DGKG: variants seen among roughly 807,000 people sequenced by gnomAD.
DGKG encodes the protein DAG kinase gamma.
A neutral mutation model predicts 105.3 loss-of-function variants in DGKG; 78 were observed. That is an observed-to-expected ratio of 0.74 (90% CI 0.62 to 0.89). The LOEUF (loss-of-function observed/expected upper bound fraction) is 0.89. DGKG is among the 40% of genes least tolerant of loss of function. DGKG has a pLI of 0.00. For synonymous variants in DGKG, 346 were observed against 367.1 expected, an observed-to-expected ratio of 0.94 and a Z score of 0.66; for missense variants, 958 against 1,020.1, an observed-to-expected ratio of 0.94 and a Z score of 0.83.
intron 7 of DGKG, among the ~76,000 whole-genome samples, chr3:186,281,577 C>T (rs575131044): frequency 6.6e-6 from 1 of 152,086 alleles, no homozygotes; most frequent in African/African-American, 2.4e-5. Flanking sequence ...GATAGAATGC[C>T]GGGTCCAAAT....
intron 1 of DGKG, among the ~76,000 whole-genome samples, chr3:186,339,483 T>C (rs566170468): frequency 1.3e-5 from 2 of 152,318 alleles, no homozygotes; most frequent in African/African-American, 4.8e-5. Context: ...GACTCCTAAA[T>C]TGGATGTAAC....
chr3:186,268,400 G>A (rs1722157027), intron 12 of DGKG, among the ~76,000 whole-genome samples: 1 of 152,184 alleles, frequency 6.6e-6, no homozygotes, highest in African/African-American at 2.4e-5. Flanking sequence ...GCTGCTCTGA[G>A]GAATGTGCCT....
chr3:186,266,204 T>C (rs776040637), intron 13 of DGKG, among the ~76,000 whole-genome samples: 1 of 152,234 alleles, frequency 6.6e-6, no homozygotes, highest in Non-Finnish European at 1.5e-5. Flanking sequence ...TGCCTGGCTT[T>C]TGAATTTCAT....
chr3:186,151,820 T>C (rs1715775168), intron 24 of DGKG, among the ~76,000 whole-genome samples: 1 of 152,212 alleles, frequency 6.6e-6, no homozygotes. Context: ...CTCCAGGAAC[T>C]GTAATCCCAG....
At chr3:186,297,349 G>A in intron 5 of DGKG, 72 bp downstream of exon 5, 2 of 1,192,852 alleles carry the variant, frequency 1.7e-6, no homozygotes, top group Non-Finnish European at 2.5e-6. Flanking sequence ...CTGTTGGTTA[G>A]GTTTCCCCAC....
At chr3:186,193,597 G>A (rs970237936) in intron 21 of DGKG, among the ~76,000 whole-genome samples, 3 of 152,236 alleles carry the variant, frequency 2.0e-5, no homozygotes, top group Admixed American at 2.0e-4. Context: ...CTGGCCTCGC[G>A]ATCGTGCACT....
intron 20 of DGKG, among the ~76,000 whole-genome samples, chr3:186,228,376 C>A (rs909732320): frequency 6.6e-6 from 1 of 152,140 alleles, no homozygotes; most frequent in African/African-American, 2.4e-5. Context: ...AACACTTCAG[C>A]AAGGTTCAGT....
intron 22 of DGKG, among the ~76,000 whole-genome samples, chr3:186,176,338 A>G (rs1469020866): frequency 6.6e-6 from 1 of 152,240 alleles, no homozygotes; most frequent in African/African-American, 2.4e-5. Flanking sequence ...TACAAGGTAC[A>G]TTCCAGAGAT....
chr3:186,233,032 G>A (rs1720228693), intron 20 of DGKG, among the ~76,000 whole-genome samples: 1 of 152,184 alleles, frequency 6.6e-6, no homozygotes, highest in African/African-American at 2.4e-5. Flanking sequence ...GAGGCTAGTA[G>A]GTGGAACAAT....
chr3:186,205,452 G>A (rs1019935697), intron 21 of DGKG, among the ~76,000 whole-genome samples: 3 of 152,072 alleles, frequency 2.0e-5, no homozygotes, highest in African/African-American at 7.2e-5. Context: ...GCTCACGCCT[G>A]TAATCTCAGC....
chr3:186,352,752 C>T (rs925303239), intron 1 of DGKG, among the ~76,000 whole-genome samples: 23 of 152,150 alleles, frequency 1.5e-4, no homozygotes, highest in African/African-American at 5.6e-4. Context: ...GTTTAGCCCT[C>T]ATCTCCCTGG....
At chr3:186,344,270 A>G (rs1410121197) in intron 1 of DGKG, among the ~76,000 whole-genome samples, 4 of 152,232 alleles carry the variant, frequency 2.6e-5, no homozygotes, top group Admixed American at 2.6e-4. Flanking sequence ...ATTTGACCAT[A>G]AAGACACATG....
At chr3:186,154,013 C>T (rs887387053) in intron 24 of DGKG, among the ~76,000 whole-genome samples, 4 of 152,152 alleles carry the variant, frequency 2.6e-5, no homozygotes, top group African/African-American at 9.7e-5. Context: ...GAGAGGATCG[C>T]TTGAGCCTGG....
chr3:186,287,357 A>G lies in DGKG; in HGVS notation c.544+1353T>C, dbSNP rs565334970. ...TATGATGCCTGGAATTTGCTTCAAG[A>G]TACTCTGAGGCAGAGGGAATGGTGG... On this transcript the variant is annotated intron_variant, in intron 6 of 24. Transcript: ENST00000265022. 3.9e-5 allele frequency among the ~76,000 whole-genome samples: 6 copies of G among 152,338 alleles called. No homozygotes were observed. The South Asian group carries it at 1.2e-3, about 32-fold the overall frequency.
intron 21 of DGKG, among the ~76,000 whole-genome samples, chr3:186,201,278 A>G (rs1187758219): frequency 5.3e-5 from 8 of 151,896 alleles, no homozygotes; most frequent in African/African-American, 1.7e-4. Flanking sequence ...TTGAGGGATC[A>G]CACTTTCCTG....
At chr3:186,354,596 A>G (rs563560913) in intron 1 of DGKG, among the ~76,000 whole-genome samples, 2 of 152,334 alleles carry the variant, frequency 1.3e-5, no homozygotes, top group South Asian at 4.1e-4. Flanking sequence ...AGACTTTTCT[A>G]GATGCCTCCA....
At chr3:186,348,502 A>T (rs1726471278) in intron 1 of DGKG, among the ~76,000 whole-genome samples, 1 of 130,730 alleles carries the variant, frequency 7.6e-6, no homozygotes, top group Non-Finnish European at 1.5e-5. Context: ...TTCAGGCTGG[A>T]GTGCAGTGCT....
At chr3:186,252,365 A>C (rs1274231402) in intron 18 of DGKG, among the ~76,000 whole-genome samples, 2 of 152,158 alleles carry the variant, frequency 1.3e-5, no homozygotes, top group Admixed American at 1.3e-4. Flanking sequence ...TGACCATTGC[A>C]CTGCCTGGTC....
intron 20 of DGKG, among the ~76,000 whole-genome samples, chr3:186,216,348 A>C (rs941918978): frequency 6.6e-6 from 1 of 152,072 alleles, no homozygotes; most frequent in East Asian, 1.9e-4. Context: ...CCTCTGACCC[A>C]CAAGGGACGT....
Sources: gnomAD v4.1 joint callset for allele counts (sites outside exome capture counted in the v4.1 genomes callset) on GRCh38, gnomAD v4.1.1 for gene constraint, MANE v1.5 for transcripts, NCBI Gene and HGNC (gene_info 2026-07-23, HGNC 2026-07-21) for gene names.